The following ZFYVE27 variants were observed in gnomAD, a reference collection of about 807,000 sequenced individuals.
The protein encoded by ZFYVE27 is protrudin.
ZFYVE27 carries 36 observed loss-of-function variants against 52.8 expected under a neutral mutation model. The ratio of observed to expected loss-of-function variants is 0.68; its 90% CI spans 0.52 to 0.90. The LOEUF is 0.90. Among genes scored for constraint, ZFYVE27 ranks in the 40% least tolerant of loss-of-function variants. The probability of loss-of-function intolerance (pLI) is 0.00; values close to 1 mark genes in which losing one functional copy is unlikely to be tolerated. For missense variants in ZFYVE27, 450 were observed against 527.2 expected (o/e 0.85, Z 1.43); for synonymous variants, 223 against 215.6 (o/e 1.03, Z -0.30).
Position 97,738,586 on chromosome 10 carries a change from C to G in ZFYVE27, c.109C>G (p.Leu37Val), listed in dbSNP as rs753608881. The G allele has an allele frequency of 2.5e-5, 40 of 1,614,114 alleles. No homozygotes were observed. Among genetic ancestry groups the G allele is most frequent in the Admixed American group, 1.3e-4 (8 of 60,010 alleles). The change falls in exon 2 of 13, where the codon CTT becomes GTT. Residue 37 changes from leucine to valine, a missense_variant. Coordinates refer to ENST00000684270, the MANE Select transcript of ZFYVE27 (RefSeq NM_001385875.1). ...PFPTKSPAFD[L>V]FNLVLSYKRL... is the part of the protein sequence containing the mutation. ...TCCTACCAAGTCCCCAGCGTTTGAC[C>G]TTTTCAACTTGGTTCTCTCCTACAA... is the stretch of plus-strand genomic sequence containing the variant.
At chr10:97,754,589 A>G in intron 10 of ZFYVE27, 1 of 1,237,292 alleles carries the variant, frequency 8.1e-7, no homozygotes, top group Non-Finnish European at 1.0e-6. Context: ...TGTTAGGATT[A>G]CAAGTGTGAG....
chr10:97,749,238 T>C (rs1219456707), intron 5 of ZFYVE27, among the ~76,000 whole-genome samples: 4 of 152,182 alleles, frequency 2.6e-5, no homozygotes, highest in East Asian at 3.9e-4. Flanking sequence ...TGAACCAGTT[T>C]ATGTGCCACC....
At chr10:97,755,229 A>C (rs1430659312) in intron 10 of ZFYVE27, among the ~76,000 whole-genome samples, 3 of 152,302 alleles carry the variant, frequency 2.0e-5, no homozygotes, top group Non-Finnish European at 2.9e-5. Flanking sequence ...AGATGTTCCC[A>C]AGCTCTTTGC....
intron 9 of ZFYVE27, 36 bp from the exon 10 acceptor site, chr10:97,753,002 A>G: frequency 6.2e-7 from 1 of 1,612,884 alleles, no homozygotes; most frequent in East Asian, 2.2e-5. Context: ...CAGCCTTGCA[A>G]GAGGTGGGCA....
intron 2 of ZFYVE27, among the ~76,000 whole-genome samples, chr10:97,739,236 A>T (rs892813291): frequency 1.4e-5 from 2 of 146,668 alleles, no homozygotes; most frequent in African/African-American, 5.0e-5. Flanking sequence ...TGGCTAATTA[A>T]AAAAAAAAAA....
chr10:97,737,686 G>GC (rs1475058014), intron 1 of ZFYVE27, among the ~76,000 whole-genome samples: 4 of 152,186 alleles, frequency 2.6e-5, no homozygotes, highest in Admixed American at 1.3e-4. Flanking sequence ...CCGAGGTTCC[G>GC]CCCCCTCGTT....
In ZFYVE27 at chr10:97,745,494, G is replaced by T. The variant is rs141987675; in HGVS notation, c.455+579G>T. 6.1e-3 allele frequency among the ~76,000 whole-genome samples: 933 copies of T among 152,250 alleles called. 14 individuals are homozygous for T. The highest frequency in any genetic ancestry group is 0.02 in the African/African-American group (827 of 41,534). ...ACGCCTGGCCCTGTTCTTTCTGCTG[G>T]AGAGACAGTTTAGGGTCTTGACTAA... On this transcript the variant is annotated intron_variant, in intron 4 of 12. Transcript: ENST00000684270.
intron 2 of ZFYVE27, 110 bp downstream of exon 2, chr10:97,738,784 T>C: frequency 1.6e-6 from 2 of 1,270,070 alleles, no homozygotes; most frequent in Admixed American, 3.6e-5. Flanking sequence ...TCTGCCCTAG[T>C]GAGGAGCAGT....
chr10:97,745,229 T>C (rs1590028104), intron 4 of ZFYVE27, among the ~76,000 whole-genome samples: 1 of 151,760 alleles, frequency 6.6e-6, no homozygotes, highest in African/African-American at 2.4e-5. Flanking sequence ...CAGGCTGGAG[T>C]GCAGTGACGC....
chr10:97,742,054 C>G (rs1753851772), intron 2 of ZFYVE27, among the ~76,000 whole-genome samples: 2 of 151,200 alleles, frequency 1.3e-5, no homozygotes, highest in Admixed American at 1.3e-4. Flanking sequence ...CGCTTGAACC[C>G]AGGAGGCGGG....
chr10:97,750,403 C>T lies in ZFYVE27; in HGVS notation c.737C>T (p.Pro246Leu), dbSNP rs2046613516. The T allele has an allele frequency of 6.2e-7, 1 of 1,614,150 alleles. No homozygotes were observed. The highest frequency in any genetic ancestry group is 8.5e-7 in the Non-Finnish European group (1 of 1,180,036). ...CAGGAAGAGCATGCCTTTGAGAGTC[C>T]TCCACCACCAGATGTTGGGGGGAAG... ...PKQEEHAFES[P>L]PPPDVGGKDG... The change falls in exon 7 of 13, where the codon CCT becomes CTT. Residue 246 changes from proline to leucine, a missense_variant. Physicochemically the swap from Pro to Leu is moderately conservative, Grantham distance 98. Coordinates refer to ENST00000684270, the MANE Select transcript of ZFYVE27 (RefSeq NM_001385875.1).
chr10:97,751,788 GC>G (rs1326163740), intron 8 of ZFYVE27, among the ~76,000 whole-genome samples: 1 of 152,170 alleles, frequency 6.6e-6, no homozygotes, highest in Non-Finnish European at 1.5e-5. Flanking sequence ...GGAGGCTACT[GC>G]CCTGGGTCTC....
chr10:97,746,051 A>ATATATATATATATATAT (rs2045313432), intron 4 of ZFYVE27, among the ~76,000 whole-genome samples: 1 of 64,170 alleles, frequency 1.6e-5, no homozygotes, highest in Non-Finnish European at 3.7e-5. Context: ...ATATATATAT[A>ATATATATATATATATAT]TTTTTTTTTT....
rs1481777816 is a variant in ZFYVE27 at position 97,738,606 on chromosome 10, C to T, written c.129C>T (p.Ser43=). 5.0e-6 allele frequency: 8 copies of T among 1,613,980 alleles called. No individual in the cohort carries two copies. Among genetic ancestry groups the T allele is most frequent in the Middle Eastern group, 1.6e-4 (1 of 6,080 alleles). Reference sequence around the variant, plus strand: ...TTGACCTTTTCAACTTGGTTCTCTCCTACAAGAGGCTGGAGATCTACCTGG... The same window carrying T: ...TTGACCTTTTCAACTTGGTTCTCTCTTACAAGAGGCTGGAGATCTACCTGG... ...PAFDLFNLVL[S]YKRLEIYLEP... is the part of the protein sequence containing the mutation. Residue 43 remains serine (S), a synonymous_variant, in exon 2 of 13, where the codon TCC becomes TCT. Coordinates refer to ENST00000684270, the MANE Select transcript of ZFYVE27 (RefSeq NM_001385875.1).
intron 1 of ZFYVE27, among the ~76,000 whole-genome samples, 153 bp from the exon 2 acceptor site, chr10:97,738,324 T>C (rs746515594): frequency 1.3e-4 from 20 of 152,196 alleles, no homozygotes; most frequent in Non-Finnish European, 2.2e-4. Flanking sequence ...GAAAAGAGCA[T>C]TGGATGGAGA....
chr10:97,752,936 C>A, intron 9 of ZFYVE27, 59 bp downstream of exon 9: 1 of 1,612,242 alleles, frequency 6.2e-7, no homozygotes, highest in Non-Finnish European at 8.5e-7. Context: ...GCTGAACCGG[C>A]TGCTGCCACA....
chr10:97,751,535 T>G (rs2046998840), intron 8 of ZFYVE27, 73 bp downstream of exon 8: 1 of 1,523,518 alleles, frequency 6.6e-7, no homozygotes, highest in Non-Finnish European at 9.1e-7. Context: ...GTTTTTTGTT[T>G]TTGTTTTTTA....
chr10:97,757,531 C>T, intron 11 of ZFYVE27, 111 bp from the exon 12 acceptor site: 1 of 1,368,222 alleles, frequency 7.3e-7, no homozygotes, highest in South Asian at 1.2e-5. Flanking sequence ...CTTGGGCACC[C>T]CCCAGGCCCA....
intron 9 of ZFYVE27, 36 bp downstream of exon 9, chr10:97,752,913 G>C (rs576244379): frequency 3.3e-5 from 53 of 1,595,544 alleles, no homozygotes; most frequent in Non-Finnish European, 4.2e-5. Context: ...CAGGGGCTGG[G>C]CTGGGGAGGG....
Sources: allele counts gnomAD v4.1 joint callset (sites outside exome capture counted in the v4.1 genomes callset), GRCh38; gene constraint gnomAD v4.1.1; transcripts MANE v1.5; gene names NCBI Gene and HGNC (gene_info 2026-07-23, HGNC 2026-07-21).